The following ANKRD36 variants were observed in gnomAD, a reference collection of about 807,000 sequenced individuals.
The protein encoded by ANKRD36 is ankyrin repeat domain 36.
A neutral mutation model predicts 278.1 loss-of-function variants in ANKRD36; 179 were observed. That is an observed-to-expected ratio of 0.64 (90% CI 0.57 to 0.73). The LOEUF is 0.73. ANKRD36 is among the 30% of genes least tolerant of loss of function. The pLI is 0.00. For missense variants in ANKRD36, 1,159 were observed against 1,956.7 expected, an observed-to-expected ratio of 0.59 and a Z score of 7.69; for synonymous variants, 320 against 641.1, an observed-to-expected ratio of 0.50 and a Z score of 7.57.
intron 44 of ANKRD36, among the ~76,000 whole-genome samples, chr2:97,199,500 T>C (rs1364895661): frequency 1.3e-5 from 2 of 151,936 alleles, no homozygotes. Flanking sequence ...GACACAAGAA[T>C]GATGTTGAAT....
chr2:97,202,501 G>A (rs2061667703), intron 48 of ANKRD36, 108 bp downstream of exon 48: 2 of 1,475,790 alleles, frequency 1.4e-6, no homozygotes, highest in Admixed American at 2.2e-5. Flanking sequence ...TTCTGATTCA[G>A]CAGGCTGGAG....
intron 62 of ANKRD36, among the ~76,000 whole-genome samples, chr2:97,216,384 C>T (rs1253338788): frequency 4.6e-5 from 7 of 151,944 alleles, no homozygotes; most frequent in Non-Finnish European, 1.0e-4. Flanking sequence ...TGGTCATTTT[C>T]AATGAATATT....
At chr2:97,140,421 A>G (rs1406847670) in intron 6 of ANKRD36, among the ~76,000 whole-genome samples, 1 of 152,026 alleles carries the variant, frequency 6.6e-6, no homozygotes, top group Non-Finnish European at 1.5e-5. Context: ...TACGTATGTG[A>G]AAGTGTTCAT....
intron 34 of ANKRD36, among the ~76,000 whole-genome samples, chr2:97,190,646 C>G (rs936915662): frequency 6.6e-5 from 10 of 151,496 alleles, no homozygotes; most frequent in African/African-American, 2.4e-4. Context: ...GACATTGATT[C>G]TCACGTGTAT....
Position 97,208,464 on chromosome 2 carries a change from T to A in ANKRD36, c.3265+458T>A, listed in dbSNP as rs970297276. 2.0e-5 allele frequency among the ~76,000 whole-genome samples: 3 copies of A among 146,380 alleles called. 1 individual carries two copies. Among genetic ancestry groups the A allele is most frequent in the African/African-American group, 8.0e-5 (3 of 37,552 alleles). On this transcript the variant is annotated intron_variant, in intron 54 of 75. Coordinates refer to ENST00000420699, the MANE Select transcript of ANKRD36 (RefSeq NM_001354587.1). ...CAACAGTTTTCCTAAGGAAGACGGA[T>A]TGTGAGGCAGGAAGGTGTGAAAAGA...
chr2:97,140,260 ATGT>A (rs1205971452), intron 6 of ANKRD36, among the ~76,000 whole-genome samples: 2 of 151,616 alleles, frequency 1.3e-5, no homozygotes, highest in Non-Finnish European at 2.9e-5. Flanking sequence ...ATTTCTGAAG[ATGT>A]TGGTGCATTG....
At chr2:97,211,333 C>T (rs1273145327) in intron 56 of ANKRD36, among the ~76,000 whole-genome samples, 1 of 151,906 alleles carries the variant, frequency 6.6e-6, no homozygotes, top group Non-Finnish European at 1.5e-5. Flanking sequence ...ATCATAGCAT[C>T]TTTGAAATTG....
intron 22 of ANKRD36, among the ~76,000 whole-genome samples, chr2:97,172,192 TA>T (rs1392462025): frequency 6.6e-6 from 1 of 151,798 alleles, no homozygotes; most frequent in African/African-American, 2.4e-5. Context: ...CATTCATAGA[TA>T]ACATGTAGGA....
At chr2:97,134,914 A>T (rs1480963641) in intron 6 of ANKRD36, among the ~76,000 whole-genome samples, 5 of 152,060 alleles carry the variant, frequency 3.3e-5, no homozygotes, top group Admixed American at 2.6e-4. Context: ...GTTTTTTTGA[A>T]GGAGCTAAAA....
chr2:97,153,856 T>C (rs2046755147), intron 14 of ANKRD36, among the ~76,000 whole-genome samples: 1 of 146,500 alleles, frequency 6.8e-6, no homozygotes, highest in Admixed American at 6.8e-5. Context: ...GATATTTAGA[T>C]AGTGATGAAT....
rs1364901549 is a variant in ANKRD36 at position 97,210,347 on chromosome 2, G to A, written c.3367+475G>A. On this transcript the variant is annotated intron_variant, in intron 56 of 75. Transcript: ENST00000420699. ...AAGACGGATTGTGAGGCAGGAAGGC[G>A]GAATAAGAGGAATTCTTTTATATAA... 2.6e-5 allele frequency among the ~76,000 whole-genome samples: 4 copies of A among 151,922 alleles called. No individual in the cohort carries two copies. The South Asian group carries it at 6.3e-4, about 24-fold the overall frequency.
chr2:97,123,115 A>G, intron 4 of ANKRD36, 122 bp downstream of exon 4: 2 of 808,480 alleles, frequency 2.5e-6, no homozygotes, highest in Non-Finnish European at 3.7e-6. Flanking sequence ...ATTGGGATAT[A>G]GTGAGAAATA....
chr2:97,154,594 C>A, intron 14 of ANKRD36, 81 bp from the exon 15 acceptor site: 2 of 1,155,524 alleles, frequency 1.7e-6, no homozygotes, highest in East Asian at 2.7e-5. Flanking sequence ...TTGGAGGGGA[C>A]CTGCATGTAT....
rs1574540745 is a variant in ANKRD36, at chr2:97,122,987, T to G, written c.587T>G (p.Leu196Arg). ...KKANVNAIDY[L>R]GRSALIHAVT... ...GCAAATGTAAATGCCATTGATTATC[T>G]TGGCAGGTACAGACCTTAGTTCTTA... The change falls in exon 4 of 76, where the codon CTT (leucine) becomes CGT (arginine). Residue 196 changes from leucine to arginine, a missense_variant. By Grantham distance (102) the Leu-to-Arg change is moderately radical. Coordinates refer to ENST00000420699, the MANE Select transcript of ANKRD36 (RefSeq NM_001354587.1). 3 of 1,540,018 alleles carry G rather than the reference T, an allele frequency of 1.9e-6. No individual in the cohort carries two copies. In the East Asian group the frequency reaches 7.4e-5, roughly 38 times the overall value.
At chr2:97,216,959 T>C (rs2066095862) in intron 62 of ANKRD36, 1 of 1,137,172 alleles carries the variant, frequency 8.8e-7, no homozygotes, top group Admixed American at 2.0e-5. Context: ...TGACAAATCA[T>C]ACCATGCTTG....
At chr2:97,164,527 C>T (rs1014096223) in intron 20 of ANKRD36, 58 bp downstream of exon 20, 6 of 1,512,058 alleles carry the variant, frequency 4.0e-6, no homozygotes, top group Non-Finnish European at 4.4e-6. Context: ...ATTGAAAATG[C>T]TCATAGTTTT....
At position 97,183,407 on chromosome 2, in the gene ANKRD36, T is replaced by C. The variant is rs2924034; in HGVS notation, c.1838-52T>C. 6.4e-5 allele frequency: 96 copies of C among 1,508,936 alleles called. 1 individual carries two copies. In the South Asian group the frequency reaches 9.8e-4, roughly 15 times the overall value. 93.5% of individuals were successfully genotyped at this position (1,508,936 alleles called of 1,614,324 possible). A position where few individuals can be genotyped will look rare whatever the true frequency, so the allele number is the denominator to read the frequency against. The stretch of plus-strand genomic sequence containing the variant: ...TGCTAACACTGCATGAATGTATGGA[T>C]GACTTTGTCATATTTACATATGATG... On this transcript the variant is annotated intron_variant, in intron 26 of 75. Transcript: ENST00000420699.
At chr2:97,235,504 G>T (rs2153683160) in intron 68 of ANKRD36, among the ~76,000 whole-genome samples, 1 of 142,638 alleles carries the variant, frequency 7.0e-6, no homozygotes, top group Admixed American at 7.4e-5. Context: ...TCTTTATACA[G>T]GTTGAGCATT....
At position 97,193,001 on chromosome 2, in the gene ANKRD36, T is replaced by A; in HGVS notation, c.2397T>A (p.Gly799=). 1.3e-6 allele frequency: 2 copies of A among 1,576,074 alleles called. No homozygotes were observed. Among genetic ancestry groups the A allele is most frequent in the Non-Finnish European group, 1.7e-6 (2 of 1,162,042 alleles). The stretch of plus-strand genomic sequence containing the variant: ...TTCAGGCTACAAGTGACGAGGAAGG[T>A]TCTGTTTTGAGTATAGCCAGAGAAA... ...PALTATSDEE[G]SVLSIARENK... The change falls in exon 38 of 76, where the codon GGT becomes GGA. Residue 799 remains glycine (G), a synonymous_variant. Coordinates refer to ENST00000420699, the MANE Select transcript of ANKRD36 (RefSeq NM_001354587.1).
Sources: allele counts gnomAD v4.1 joint callset (sites outside exome capture counted in the v4.1 genomes callset), GRCh38; gene constraint gnomAD v4.1.1; transcripts MANE v1.5; gene names NCBI Gene and HGNC (gene_info 2026-07-23, HGNC 2026-07-21).